The following TBC1D32 variants were observed in gnomAD, a reference collection of about 807,000 sequenced individuals.
TBC1D32 encodes the protein TBC1 domain family member 32.
TBC1D32 carries 151 observed loss-of-function variants against 170.3 expected under a neutral mutation model. That is an observed-to-expected ratio of 0.89 (90% confidence interval 0.78 to 1.01). The LOEUF (loss-of-function observed/expected upper bound fraction) is 1.01. Ranked by LOEUF, TBC1D32 falls within the 50% of genes least tolerant of loss-of-function variation. The pLI is 0.00. For missense variants in TBC1D32, 1,464 were observed against 1,457.1 expected (o/e 1.00, Z -0.08); for synonymous variants, 498 against 488.0 (o/e 1.02, Z -0.27).
chr6:121,101,302 C>G (rs1431576365), intron 30 of TBC1D32, among the ~76,000 whole-genome samples: 1 of 152,024 alleles, frequency 6.6e-6, no homozygotes, highest in Non-Finnish European at 1.5e-5. Context: ...AATTTTAGAC[C>G]AATATCCCTG....
At chr6:121,216,406 G>C (rs2173837) in intron 21 of TBC1D32, among the ~76,000 whole-genome samples, 134,415 of 152,144 alleles carry the variant, frequency 0.88, 59,835 homozygotes, top group East Asian at 0.98. Context: ...TATGTCTATC[G>C]TATTAGCTCT....
intron 10 of TBC1D32, among the ~76,000 whole-genome samples, chr6:121,296,643 CCTT>C (rs1225000361): frequency 2.0e-5 from 3 of 152,072 alleles, no homozygotes; most frequent in Non-Finnish European, 4.4e-5. Context: ...TCTGTCTTAT[CCTT>C]CTTCCATGGT....
rs71018125 is a variant in TBC1D32 at position 121,313,105 on chromosome 6, GGTGTGTGTGTGTGTGTGTGTGTGT to G, written c.496-2282_496-2259del. On this transcript the variant is annotated intron_variant, in intron 3 of 31. Coordinates refer to ENST00000398212, the MANE Select transcript of TBC1D32 (RefSeq NM_152730.6). ...ACACAATGCCATGCCAAGCTAAGGT[GGTGTGTGTGTGTGTGTGTGTGTGT>G]GTGTGTGTGTGTGTGTGTGTGTGTG... 4.7e-3 allele frequency among the ~76,000 whole-genome samples: 528 copies of G among 111,256 alleles called. 7 individuals carry two copies. The highest frequency in any genetic ancestry group is 0.014 in the Middle Eastern group (3 of 212). 73.0% of individuals were successfully genotyped at this position (111,256 alleles called of 152,430 possible). A position where few individuals can be genotyped will look rare whatever the true frequency, so the allele number is the denominator to read the frequency against.
chr6:121,292,225 T>C (rs758765254), intron 11 of TBC1D32, 32 bp from the exon 12 acceptor site: 2 of 1,555,886 alleles, frequency 1.3e-6, no homozygotes, highest in Non-Finnish European at 1.7e-6. Flanking sequence ...AATATTTATT[T>C]AGTATCATTA....
At position 121,256,952 on chromosome 6, in the gene TBC1D32, G is replaced by A. The variant is rs150881950; in HGVS notation, c.1734-667C>T. Among the ~76,000 whole-genome samples, 1,375 of 152,202 alleles carry A rather than the reference G, an allele frequency of 9.0e-3. 25 individuals carry two copies. The highest frequency in any genetic ancestry group is 0.031 in the African/African-American group (1,277 of 41,530). On this transcript the variant is annotated intron_variant, in intron 15 of 31. Coordinates refer to ENST00000398212, the MANE Select transcript of TBC1D32 (RefSeq NM_152730.6). ...CTCCCAAAGTGCTGGGATTACAGGTGTGAGCCACCATGCCCGGCCGGCTGA... is the reference window on the plus strand; with the variant it reads ...CTCCCAAAGTGCTGGGATTACAGGTATGAGCCACCATGCCCGGCCGGCTGA...
intron 21 of TBC1D32, among the ~76,000 whole-genome samples, chr6:121,210,958 T>A (rs758422099): frequency 6.7e-6 from 1 of 149,066 alleles, no homozygotes; most frequent in Non-Finnish European, 1.5e-5. Flanking sequence ...TTTAATCCAC[T>A]GGATTTGTAA....
chr6:121,329,298 A>G (rs977364146), intron 1 of TBC1D32, among the ~76,000 whole-genome samples: 31 of 152,338 alleles, frequency 2.0e-4, no homozygotes, highest in African/African-American at 7.5e-4. Context: ...ACATAAGTAC[A>G]TTAAAAAATC....
chr6:121,217,497 T>A (rs1793977840), intron 21 of TBC1D32, among the ~76,000 whole-genome samples: 1 of 152,220 alleles, frequency 6.6e-6, no homozygotes. Flanking sequence ...CAAGATCATG[T>A]CTTTCATGGC....
At chr6:121,216,264 G>A (rs1793810377) in intron 21 of TBC1D32, among the ~76,000 whole-genome samples, 1 of 152,172 alleles carries the variant, frequency 6.6e-6, no homozygotes, top group Admixed American at 6.5e-5. Context: ...CCTTCCCTCA[G>A]ATATCAGACT....
intron 8 of TBC1D32, 142 bp downstream of exon 8, chr6:121,304,223 G>T (rs1806966876): frequency 3.2e-6 from 2 of 633,532 alleles, no homozygotes; most frequent in Admixed American, 3.5e-5. Flanking sequence ...ACAAGCTGAA[G>T]AAAAATAAAA....
At chr6:121,318,270 A>G (rs1444418386) in intron 2 of TBC1D32, among the ~76,000 whole-genome samples, 2 of 152,104 alleles carry the variant, frequency 1.3e-5, no homozygotes, top group African/African-American at 4.8e-5. Context: ...AATCATTAGG[A>G]GTGTGAATTG....
chr6:121,131,505 G>T (rs1781434362), intron 25 of TBC1D32, 122 bp downstream of exon 25: 1 of 1,025,212 alleles, frequency 9.8e-7, no homozygotes, highest in Non-Finnish European at 1.3e-6. Flanking sequence ...TCAGAAATCA[G>T]CAAACTTCTG....
chr6:121,230,382 A>G (rs1795588780), intron 20 of TBC1D32, among the ~76,000 whole-genome samples: 1 of 152,104 alleles, frequency 6.6e-6, no homozygotes, highest in Admixed American at 6.6e-5. Flanking sequence ...TCACAGTTTG[A>G]CATGCTAAAG....
intron 15 of TBC1D32, among the ~76,000 whole-genome samples, chr6:121,267,231 A>G (rs941873620): frequency 6.6e-6 from 1 of 151,938 alleles, no homozygotes; most frequent in Admixed American, 6.6e-5. Context: ...TGATTTCTGC[A>G]TTTCCAACTA....
chr6:121,159,966 A>T, intron 24 of TBC1D32, 44 bp downstream of exon 24: 1 of 1,345,490 alleles, frequency 7.4e-7, no homozygotes, highest in Non-Finnish European at 1.1e-6. Context: ...AAATTATAAC[A>T]AAAGCTTTAA....
At chr6:121,196,967 C>T (rs1031154626) in intron 22 of TBC1D32, among the ~76,000 whole-genome samples, 1 of 152,098 alleles carries the variant, frequency 6.6e-6, no homozygotes, top group Non-Finnish European at 1.5e-5. Context: ...ATTCTCTTGG[C>T]CTAGAGGTCT....
chr6:121,171,713 AT>A (rs1195569593), intron 22 of TBC1D32, among the ~76,000 whole-genome samples: 2 of 152,180 alleles, frequency 1.3e-5, no homozygotes, highest in Non-Finnish European at 1.5e-5. Flanking sequence ...CTGATAATTA[AT>A]AAAGATGAGT....
chr6:121,097,051 A>G (rs1458719723), intron 30 of TBC1D32, among the ~76,000 whole-genome samples: 1 of 152,186 alleles, frequency 6.6e-6, no homozygotes, highest in Non-Finnish European at 1.5e-5. Context: ...TTAACTCAAG[A>G]TTGATTAAAG....
At chr6:121,080,997 G>C in intron 31 of TBC1D32, 107 bp from the exon 32 acceptor site, 3 of 1,349,528 alleles carry the variant, frequency 2.2e-6, no homozygotes, top group Non-Finnish European at 2.0e-6. Context: ...CTATAGATGG[G>C]GTGGGCTGTT....
Sources: gnomAD v4.1 joint callset for allele counts (sites outside exome capture counted in the v4.1 genomes callset) on GRCh38, gnomAD v4.1.1 for gene constraint, MANE v1.5 for transcripts, NCBI Gene and HGNC (gene_info 2026-07-23, HGNC 2026-07-21) for gene names.